The following GPM6A variants were observed in gnomAD, a reference collection of about 807,000 sequenced individuals.
GPM6A encodes neuronal membrane glycoprotein M6-a.
GPM6A carries 7 observed loss-of-function variants against 32.1 expected under a neutral mutation model. The ratio of observed to expected loss-of-function variants is 0.22; its 90% CI spans 0.12 to 0.41. The LOEUF (loss-of-function observed/expected upper bound fraction) is 0.41, where lower values mean the gene tolerates loss of function less well. Ranked by LOEUF, GPM6A falls within the 10% of genes least tolerant of loss-of-function variation. The pLI, the probability that GPM6A is intolerant of heterozygous loss-of-function variation, is 1.00. For missense variants in GPM6A, 235 were observed against 347.2 expected, an observed-to-expected ratio of 0.68 and a Z score of 2.57; for synonymous variants, 130 against 123.4, an observed-to-expected ratio of 1.05 and a Z score of -0.35.
chr4:175,766,063 T>C (rs564266680), intron 1 of GPM6A, among the ~76,000 whole-genome samples: 350 of 152,314 alleles, frequency 2.3e-3, no homozygotes, highest in Middle Eastern at 3.4e-3. Context: ...TTATTCTGCA[T>C]TGTTTGGGCC....
intron 1 of GPM6A, among the ~76,000 whole-genome samples, chr4:175,730,937 A>G (rs1260853094): frequency 6.6e-6 from 1 of 152,006 alleles, no homozygotes; most frequent in Non-Finnish European, 1.5e-5. Context: ...GTCTCTTGGC[A>G]TCTCTTCCTC....
upstream of GPM6A, chr4:175,812,339 T>TTTTTTA: frequency 8.4e-6 from 11 of 1,304,906 alleles, no homozygotes; most frequent in Non-Finnish European, 1.0e-5. Flanking sequence ...TTTTTTTTTT[T>TTTTTTA]TCCTGGGAAG....
intron 1 of GPM6A, among the ~76,000 whole-genome samples, chr4:175,779,232 A>G (rs1360602472): frequency 6.6e-6 from 1 of 152,156 alleles, no homozygotes; most frequent in African/African-American, 2.4e-5. Flanking sequence ...TGCTTGATGC[A>G]ATCGTTACCC....
intron 1 of GPM6A, among the ~76,000 whole-genome samples, chr4:175,829,400 T>C (rs1410747992): frequency 3.3e-5 from 5 of 152,068 alleles, no homozygotes; most frequent in African/African-American, 1.2e-4. Context: ...CTCTCTATTT[T>C]AATACCAACA....
intron 1 of GPM6A, among the ~76,000 whole-genome samples, chr4:175,764,583 C>G (rs980876161): frequency 2.6e-5 from 4 of 151,946 alleles, no homozygotes; most frequent in Non-Finnish European, 1.5e-5. Context: ...TAAACAGGAC[C>G]AATACCTTTC....
At chr4:175,901,627 TCTTTTTTTTTTTTC>T (rs1172368265) in intron 1 of GPM6A, among the ~76,000 whole-genome samples, 3 of 32,386 alleles carry the variant, frequency 9.3e-5, no homozygotes, top group Non-Finnish European at 1.7e-4. Flanking sequence ...TTTTTCTTTT[TCTTTTTTTTTTTTC>T]CTTTTTTTTT....
At chr4:175,852,050 G>A (rs1220725237) in intron 1 of GPM6A, among the ~76,000 whole-genome samples, 1 of 152,114 alleles carries the variant, frequency 6.6e-6, no homozygotes, top group Non-Finnish European at 1.5e-5. Flanking sequence ...AAGAAAATAA[G>A]CTCCCAGGGG....
chr4:175,952,152 C>G (rs1739836029), intron 1 of GPM6A, among the ~76,000 whole-genome samples: 1 of 152,208 alleles, frequency 6.6e-6, no homozygotes, highest in Admixed American at 6.5e-5. Context: ...AGACAAGTAA[C>G]TAAAACAAAT....
chr4:175,718,123 A>T (rs183164955), intron 1 of GPM6A, among the ~76,000 whole-genome samples: 1 of 152,262 alleles, frequency 6.6e-6, no homozygotes, highest in African/African-American at 2.4e-5. Flanking sequence ...TATTCTGTAG[A>T]TTTGTTTTTA....
chr4:175,868,180 C>CCTGT (rs1332524630), intron 1 of GPM6A, among the ~76,000 whole-genome samples: 1 of 152,194 alleles, frequency 6.6e-6, no homozygotes, highest in Non-Finnish European at 1.5e-5. Context: ...CCTGCTTTCA[C>CCTGT]CTGTCTGTCT....
At chr4:175,826,186 G>A (rs1402934143) in intron 1 of GPM6A, among the ~76,000 whole-genome samples, 8 of 151,582 alleles carry the variant, frequency 5.3e-5, no homozygotes, top group Admixed American at 4.6e-4. Context: ...CAAAAAAACT[G>A]TCTCTTATCA....
intron 1 of GPM6A, among the ~76,000 whole-genome samples, chr4:175,761,142 A>C (rs2111209220): frequency 6.6e-6 from 1 of 152,272 alleles, no homozygotes; most frequent in Non-Finnish European, 1.5e-5. Flanking sequence ...TACTTGCTTT[A>C]GCGCAAAAAT....
At chr4:175,970,179 C>T (rs1275790340) in intron 1 of GPM6A, among the ~76,000 whole-genome samples, 2 of 152,164 alleles carry the variant, frequency 1.3e-5, no homozygotes, top group Non-Finnish European at 2.9e-5. Flanking sequence ...CACTTTGCCA[C>T]CTCTCAATAA....
intron 1 of GPM6A, among the ~76,000 whole-genome samples, chr4:175,883,096 C>T (rs1296712216): frequency 1.3e-5 from 2 of 151,980 alleles, no homozygotes. Context: ...AAATATTTGA[C>T]CACAGAGTCT....
chr4:175,755,812 A>G (rs572634390), intron 1 of GPM6A, among the ~76,000 whole-genome samples: 2 of 152,256 alleles, frequency 1.3e-5, no homozygotes, highest in Non-Finnish European at 2.9e-5. Flanking sequence ...ATGAATTTCT[A>G]TTTCCATTCA....
chr4:175,906,376 A>G (rs1228970602), intron 1 of GPM6A, among the ~76,000 whole-genome samples: 1 of 152,188 alleles, frequency 6.6e-6, no homozygotes, highest in Non-Finnish European at 1.5e-5. Flanking sequence ...GGATAAATTT[A>G]TAATTTGGTT....
chr4:175,992,469 G>T (rs1231120145), intron 1 of GPM6A, among the ~76,000 whole-genome samples: 1 of 152,162 alleles, frequency 6.6e-6, no homozygotes, highest in African/African-American at 2.4e-5. Flanking sequence ...ATGCTGCTAT[G>T]GGAGCATCAT....
intron 1 of GPM6A, among the ~76,000 whole-genome samples, chr4:175,840,085 T>G (rs1735889549): frequency 6.6e-6 from 1 of 152,238 alleles, no homozygotes; most frequent in African/African-American, 2.4e-5. Flanking sequence ...GAAAAATAAT[T>G]TCGTTAGCTT....
intron 1 of GPM6A, among the ~76,000 whole-genome samples, chr4:176,000,766 A>C (rs530864231): frequency 6.6e-6 from 1 of 152,320 alleles, no homozygotes; most frequent in Admixed American, 6.5e-5. Context: ...TGTTGGGTTT[A>C]GGAGAAAAAT....
Sources: allele counts gnomAD v4.1 joint callset (sites outside exome capture counted in the v4.1 genomes callset), GRCh38; gene constraint gnomAD v4.1.1; transcripts MANE v1.5; gene names NCBI Gene and HGNC (gene_info 2026-07-23, HGNC 2026-07-21).